Variants in KMT2C observed in about 807,000 individuals in gnomAD.
The protein encoded by KMT2C is histone-lysine N-methyltransferase 2C.
KMT2C carries 88 observed loss-of-function variants against 507.9 expected under a neutral mutation model. The ratio of observed to expected loss-of-function variants is 0.17; its 90% CI spans 0.15 to 0.21. The LOEUF is 0.21. Among genes scored for constraint, KMT2C ranks in the 10% least tolerant of loss-of-function variants. KMT2C has a pLI of 1.00. For missense variants in KMT2C, 4,954 were observed against 5,957.8 expected (o/e 0.83, Z 5.55); for synonymous variants, 2,049 against 2,080.8 (o/e 0.98, Z 0.42).
chr7:152,174,982 C>T (rs958102892), intron 38 of KMT2C, among the ~76,000 whole-genome samples: 1 of 152,128 alleles, frequency 6.6e-6, no homozygotes, highest in African/African-American at 2.4e-5. Context: ...TTAAATTCAT[C>T]CTTCCATGAC....
chr7:152,185,235 T>C (rs897008944), intron 34 of KMT2C, among the ~76,000 whole-genome samples: 13 of 152,184 alleles, frequency 8.5e-5, no homozygotes, highest in African/African-American at 2.7e-4. Context: ...TCCACAGATA[T>C]AGAACTCATG....
chr7:152,375,740 T>C (rs2097324411), intron 1 of KMT2C, among the ~76,000 whole-genome samples: 1 of 152,152 alleles, frequency 6.6e-6, no homozygotes, highest in African/African-American at 2.4e-5. Flanking sequence ...TGTGTCTCTG[T>C]GTTACGTTTT....
rs2089877359 is a variant in KMT2C at position 152,136,418 on chromosome 7, C to T, written c.*414G>A. 2 of 239,842 alleles carry T rather than the reference C, an allele frequency of 8.3e-6. No individual in the cohort carries two copies. The highest frequency in any genetic ancestry group is 1.2e-4 in the East Asian group (2 of 16,166). The allele number at this position is 239,842 out of a possible 1,614,324, so 14.9% of individuals were successfully genotyped here. On this transcript the variant is annotated 3_prime_UTR_variant, in exon 59 of 59. Coordinates refer to ENST00000262189, the MANE Select transcript of KMT2C (RefSeq NM_170606.3). The stretch of plus-strand genomic sequence containing the variant: ...TGTCCCCCTCGCTGGTGATTTCAGT[C>T]TTACATTCATAGGAAGGCCCCTGCC...
At position 152,435,804 on chromosome 7, in the gene KMT2C, A is replaced by G. The variant is rs1275365573; in HGVS notation, c.-18T>C. 2 of 1,346,450 alleles carry G rather than the reference A, an allele frequency of 1.5e-6. No homozygotes were observed. Among genetic ancestry groups the G allele is most frequent in the Non-Finnish European group, 1.9e-6 (2 of 1,042,280 alleles). The allele number at this position is 1,346,450 out of a possible 1,614,324, so 83.4% of individuals were successfully genotyped here. A position where few individuals can be genotyped will look rare whatever the true frequency, so the allele number is the denominator to read the frequency against. On this transcript the variant is annotated 5_prime_UTR_variant, in exon 1 of 59. Transcript: ENST00000262189. The stretch of plus-strand genomic sequence containing the variant: ...GACGACATCCTAGTCACCAGGAAAG[A>G]CACATGGATCCCGGTCCTCCTCCTG...
At chr7:152,251,918 A>G (rs1449385785) in intron 11 of KMT2C, 21 bp downstream of exon 11, 2 of 1,555,340 alleles carry the variant, frequency 1.3e-6, no homozygotes, top group Non-Finnish European at 1.7e-6. Flanking sequence ...AAATTTAAAA[A>G]AAAATCATTC....
At chr7:152,330,003 G>A (rs2096865759) in intron 3 of KMT2C, among the ~76,000 whole-genome samples, 1 of 151,678 alleles carries the variant, frequency 6.6e-6, no homozygotes, top group African/African-American at 2.4e-5. Context: ...AATTAGCTGG[G>A]CATGGTGGTG....
At chr7:152,211,026 A>G (rs1402663257) in intron 23 of KMT2C, among the ~76,000 whole-genome samples, 2 of 151,844 alleles carry the variant, frequency 1.3e-5, no homozygotes, top group Non-Finnish European at 2.9e-5. Context: ...AGCAGACTGA[A>G]AGAGACCACT....
intron 6 of KMT2C, among the ~76,000 whole-genome samples, chr7:152,297,079 GAGAGAGAGAGAGAGAA>G (rs1415906122): frequency 1.5e-5 from 2 of 131,170 alleles, no homozygotes; most frequent in Admixed American, 7.6e-5. Flanking sequence ...GAGAGAGAGA[GAGAGAGAGAGAGAGAA>G]AGAAAGAAAG....
chr7:152,261,514 A>T lies in KMT2C; in HGVS notation c.1299+1502T>A, dbSNP rs183549542. Among the ~76,000 whole-genome samples, 1,180 of 152,352 alleles carry T rather than the reference A, an allele frequency of 7.7e-3. 9 individuals carry two copies. The highest frequency in any genetic ancestry group is 0.013 in the Non-Finnish European group (901 of 68,032). On this transcript the variant is annotated intron_variant, in intron 9 of 58. Transcript: ENST00000262189. Reference sequence around the variant, plus strand: ...CTACAAGTATCAACACATTTATTTTAAAAAACCTACCTTAGTTAAATTATC... The same window carrying T: ...CTACAAGTATCAACACATTTATTTTTAAAAACCTACCTTAGTTAAATTATC...
chr7:152,210,181 TGA>T (rs1333145251), intron 23 of KMT2C, among the ~76,000 whole-genome samples: 1 of 152,130 alleles, frequency 6.6e-6, no homozygotes, highest in Admixed American at 6.5e-5. Flanking sequence ...CCTCCAAGTA[TGA>T]GGTTTGAAAA....
At chr7:152,159,237 C>A (rs910828535) in intron 43 of KMT2C, among the ~76,000 whole-genome samples, 165 bp from the exon 44 acceptor site, 11 of 152,210 alleles carry the variant, frequency 7.2e-5, no homozygotes, top group African/African-American at 2.7e-4. Context: ...AAAACACCAT[C>A]CTTTTCTTCA....
intron 3 of KMT2C, among the ~76,000 whole-genome samples, chr7:152,323,054 TGG>T (rs113259435): frequency 0.038 from 5,825 of 151,894 alleles, 381 homozygotes; most frequent in African/African-American, 0.13. Flanking sequence ...ACAGAAAAAA[TGG>T]GAGTCCTGTA....
At chr7:152,237,337 G>C (rs1356581862) in intron 15 of KMT2C, among the ~76,000 whole-genome samples, 1 of 151,206 alleles carries the variant, frequency 6.6e-6, no homozygotes, top group Non-Finnish European at 1.5e-5. Flanking sequence ...CGGGAGGAAT[G>C]GCTTTTTTCC....
chr7:152,258,226 C>T (rs190407031), intron 9 of KMT2C, among the ~76,000 whole-genome samples: 172 of 152,228 alleles, frequency 1.1e-3, no homozygotes, highest in African/African-American at 3.9e-3. Context: ...GTGGTGAGGG[C>T]ACAACACCAG....
At chr7:152,319,780 A>G (rs2096755279) in intron 3 of KMT2C, among the ~76,000 whole-genome samples, 1 of 152,090 alleles carries the variant, frequency 6.6e-6, no homozygotes. Flanking sequence ...TGAAAGTACT[A>G]AAAGTCTCTG....
intron 26 of KMT2C, among the ~76,000 whole-genome samples, chr7:152,201,764 CAAA>C (rs1359477154): frequency 4.7e-5 from 7 of 149,108 alleles, no homozygotes; most frequent in African/African-American, 1.7e-4. Flanking sequence ...GAAGGATATA[CAAA>C]AAGTAAGGCA....
At chr7:152,273,097 T>TATA (rs2096008116) in intron 7 of KMT2C, among the ~76,000 whole-genome samples, 4 of 152,158 alleles carry the variant, frequency 2.6e-5, no homozygotes, top group African/African-American at 9.7e-5. Context: ...AGTTATAATT[T>TATA]CCTGTATAAT....
intron 1 of KMT2C, among the ~76,000 whole-genome samples, chr7:152,370,470 C>G (rs1476588916): frequency 6.6e-6 from 1 of 152,182 alleles, no homozygotes; most frequent in Non-Finnish European, 1.5e-5. Flanking sequence ...TACAGAATCC[C>G]TTCCAGAAAA....
intron 14 of KMT2C, among the ~76,000 whole-genome samples, chr7:152,240,830 C>T (rs574758803): frequency 8.5e-5 from 13 of 152,292 alleles, no homozygotes; most frequent in African/African-American, 2.6e-4. Context: ...GCAGCTCAGT[C>T]GTGGCCACCA....
Sources: allele counts gnomAD v4.1 joint callset (sites outside exome capture counted in the v4.1 genomes callset), GRCh38; gene constraint gnomAD v4.1.1; transcripts MANE v1.5; gene names NCBI Gene and HGNC (gene_info 2026-07-23, HGNC 2026-07-21).